Variants in TRABD2A observed in about 807,000 individuals in gnomAD.
TRABD2A encodes the protein metalloprotease TIKI1.
In TRABD2A, 43 loss-of-function variants were observed where a neutral mutation model predicts 45.6. That is an observed-to-expected ratio of 0.94 (90% CI 0.74 to 1.22). The LOEUF (loss-of-function observed/expected upper bound fraction) is 1.22, where lower values mean the gene tolerates loss of function less well. Among genes scored for constraint, TRABD2A ranks in the 50% most tolerant of loss-of-function variants. TRABD2A has a pLI of 0.00. For missense variants in TRABD2A, 642 were observed against 652.4 expected (o/e 0.98, Z 0.17); for synonymous variants, 269 against 265.0 (o/e 1.02, Z -0.15).
rs755189333 is a variant in TRABD2A, at chr2:84,823,978, C to T, written c.1309G>A (p.Asp437Asn). ...QRRPRLRQFS[D>N]LWVRLEESDI... ...CTCTCCTCCAGGCGGACCCACAGATCGCTGAATTGCCGGAGTCGCGGCCTC... is the reference window on the plus strand; with the variant it reads ...CTCTCCTCCAGGCGGACCCACAGATTGCTGAATTGCCGGAGTCGCGGCCTC... Residue 437 changes from aspartate (D) to asparagine (N), a missense_variant, in exon 6 of 7, where the codon GAT (aspartate) becomes AAT (asparagine). Physicochemically the swap from Asp to Asn is conservative, Grantham distance 23. Coordinates refer to ENST00000409520, the MANE Select transcript of TRABD2A (RefSeq NM_001277053.2). 29 of 1,613,952 alleles carry T rather than the reference C, an allele frequency of 1.8e-5. No individual in the cohort carries two copies. Among genetic ancestry groups the T allele is most frequent in the Middle Eastern group, 1.7e-4 (1 of 6,004 alleles).
At chr2:84,864,811 T>C (rs1682621916) in intron 2 of TRABD2A, among the ~76,000 whole-genome samples, 1 of 152,098 alleles carries the variant, frequency 6.6e-6, no homozygotes, top group African/African-American at 2.4e-5. Context: ...CCCGGGATCC[T>C]CTCCTTAGGC....
intron 2 of TRABD2A, among the ~76,000 whole-genome samples, chr2:84,862,308 G>T (rs1000489470): frequency 4.6e-5 from 7 of 152,186 alleles, no homozygotes; most frequent in African/African-American, 9.7e-5. Flanking sequence ...ACTTTTTCTC[G>T]CATGGAGACA....
chr2:84,843,915 G>A (rs1681796937), intron 2 of TRABD2A: 1 of 152,110 alleles, frequency 6.6e-6, no homozygotes, highest in Admixed American at 6.6e-5. Flanking sequence ...AATATTTCCT[G>A]TGCCTGTGAT....
At chr2:84,879,744 C>T (rs1182190713) in intron 1 of TRABD2A, 1 of 308,470 alleles carries the variant, frequency 3.2e-6, no homozygotes, top group Non-Finnish European at 4.7e-6. Flanking sequence ...CTCCCCTCTC[C>T]AGCTGCCGCG....
intron 2 of TRABD2A, among the ~76,000 whole-genome samples, chr2:84,855,643 C>T (rs909176805): frequency 2.0e-5 from 3 of 152,144 alleles, no homozygotes; most frequent in South Asian, 4.2e-4. Context: ...CTAGCCCCCA[C>T]GTCCCCCTTT....
intron 2 of TRABD2A, among the ~76,000 whole-genome samples, chr2:84,867,784 C>T (rs951318722): frequency 1.7e-4 from 26 of 152,214 alleles, no homozygotes; most frequent in Middle Eastern, 3.2e-3. Context: ...AGGATATGAA[C>T]AGACACTTCT....
chr2:84,856,018 G>A (rs886582216), intron 2 of TRABD2A, among the ~76,000 whole-genome samples: 12 of 152,096 alleles, frequency 7.9e-5, no homozygotes, highest in Non-Finnish European at 1.5e-4. Context: ...TAGCCTCCCC[G>A]CACTCAAACA....
At chr2:84,859,951 G>A (rs541860536) in intron 2 of TRABD2A, among the ~76,000 whole-genome samples, 8 of 125,868 alleles carry the variant, frequency 6.4e-5, no homozygotes, top group African/African-American at 2.5e-4. Context: ...TGGAGAGATG[G>A]GGGGGGGTCT....
chr2:84,832,220 G>A, intron 4 of TRABD2A, 75 bp from the exon 5 acceptor site: 1 of 1,493,602 alleles, frequency 6.7e-7, no homozygotes, highest in Non-Finnish European at 9.3e-7. Flanking sequence ...ACACACCCTA[G>A]AACCAAGAAA....
At chr2:84,872,415 G>T (rs1007490721) in intron 1 of TRABD2A, among the ~76,000 whole-genome samples, 1 of 152,026 alleles carries the variant, frequency 6.6e-6, no homozygotes, top group Non-Finnish European at 1.5e-5. Flanking sequence ...AGGCTGAGGT[G>T]GGAGGATTGC....
intron 2 of TRABD2A, among the ~76,000 whole-genome samples, chr2:84,845,425 T>C (rs1475520838): frequency 6.6e-6 from 1 of 152,222 alleles, no homozygotes; most frequent in African/African-American, 2.4e-5. Flanking sequence ...GGTACTCCCC[T>C]ACTGAGAATT....
At chr2:84,859,323 G>A (rs980217148) in intron 2 of TRABD2A, among the ~76,000 whole-genome samples, 2 of 152,040 alleles carry the variant, frequency 1.3e-5, no homozygotes, top group African/African-American at 4.8e-5. Context: ...CCCTCCAATT[G>A]CACCCAGCAA....
chr2:84,833,861 G>A (rs527800595), intron 4 of TRABD2A: 1 of 152,130 alleles, frequency 6.6e-6, no homozygotes, highest in South Asian at 2.1e-4. Flanking sequence ...AAGCTCAGGT[G>A]TTGGTGTTGC....
At chr2:84,880,026 A>G (rs1683151802) in intron 1 of TRABD2A, among the ~76,000 whole-genome samples, 1 of 118,802 alleles carries the variant, frequency 8.4e-6, no homozygotes, top group Non-Finnish European at 1.6e-5. Context: ...CGGGCGCACC[A>G]GAAGGATAAG....
At chr2:84,875,998 T>TAA (rs368533574) in intron 1 of TRABD2A, among the ~76,000 whole-genome samples, 14 of 127,126 alleles carry the variant, frequency 1.1e-4, no homozygotes, top group African/African-American at 1.8e-4. Context: ...ATCTCAAAAT[T>TAA]AAAAAAAAAA....
At chr2:84,878,437 A>G (rs1392200222) in intron 1 of TRABD2A, among the ~76,000 whole-genome samples, 1 of 151,906 alleles carries the variant, frequency 6.6e-6, no homozygotes, top group African/African-American at 2.4e-5. Context: ...AGGCAGGAGA[A>G]TCACTTGAAC....
Position 84,821,958 on chromosome 2 carries a change from C to A in TRABD2A, c.1477G>T (p.Val493Leu). ...CLSLWTPVFW[V>L]LVLAFQTETP... ...TCTGTTTGGAAAGCCAGCACCAGCACCCAGAACACAGGAGTCCAGAGAGAC... is the reference window on the plus strand; with the variant it reads ...TCTGTTTGGAAAGCCAGCACCAGCAACCAGAACACAGGAGTCCAGAGAGAC... The change falls in exon 7 of 7, where the codon GTG (valine) becomes TTG (leucine). Residue 493 changes from valine to leucine, a missense_variant. Val to Leu is a conservative substitution (Grantham distance 32, BLOSUM62 1). Transcript: ENST00000409520. 1.9e-6 allele frequency: 3 copies of A among 1,605,830 alleles called. No individual in the cohort carries two copies. Among genetic ancestry groups the A allele is most frequent in the Non-Finnish European group, 2.6e-6 (3 of 1,176,254 alleles).
intron 2 of TRABD2A, among the ~76,000 whole-genome samples, chr2:84,867,024 T>G (rs1157172259): frequency 6.6e-6 from 1 of 151,832 alleles, no homozygotes; most frequent in East Asian, 1.9e-4. Context: ...GCTGAGATCG[T>G]GCCATTACAC....
chr2:84,841,777 C>T (rs929901056), intron 3 of TRABD2A, 84 bp downstream of exon 3: 1 of 1,383,312 alleles, frequency 7.2e-7, no homozygotes, highest in South Asian at 1.8e-5. Flanking sequence ...ATCCTTTGTA[C>T]ACAGGATGTA....
Sources: gnomAD v4.1 joint callset for allele counts (sites outside exome capture counted in the v4.1 genomes callset) on GRCh38, gnomAD v4.1.1 for gene constraint, MANE v1.5 for transcripts, NCBI Gene and HGNC (gene_info 2026-07-23, HGNC 2026-07-21) for gene names.